COPB2: variants seen among roughly 807,000 people sequenced by gnomAD.
COPB2 encodes coat protein complex I subunit beta 2.
In COPB2, 16 loss-of-function variants were observed where a neutral mutation model predicts 120.8. That is an observed-to-expected ratio of 0.13 (90% CI 0.09 to 0.20). The LOEUF (loss-of-function observed/expected upper bound fraction) is 0.20. Ranked by LOEUF, COPB2 falls within the 10% of genes least tolerant of loss-of-function variation. COPB2 has a pLI of 1.00. For synonymous variants in COPB2, 332 were observed against 366.3 expected (o/e 0.91, Z 1.07); for missense variants, 794 against 1,076.5 (o/e 0.74, Z 3.67).
intron 14 of COPB2, 119 bp downstream of exon 14, chr3:139,366,896 T>G (rs544842661): frequency 1.4e-6 from 2 of 1,474,390 alleles, no homozygotes; most frequent in African/African-American, 2.8e-5. Flanking sequence ...TGGTTAACAA[T>G]AGGCAACCTA....
At chr3:139,362,667 AG>A (rs1242548388) in intron 15 of COPB2, 150 bp from the exon 16 acceptor site, 5 of 351,596 alleles carry the variant, frequency 1.4e-5, no homozygotes, top group African/African-American at 2.1e-5. Flanking sequence ...CTATTTAATA[AG>A]AAGATGGAAT....
In COPB2 at chr3:139,359,132, C is replaced by T. The variant is rs775351795; in HGVS notation, c.2350G>A (p.Ala784Thr). 9.0e-5 allele frequency: 146 copies of T among 1,613,930 alleles called. No individual in the cohort carries two copies. The highest frequency in any genetic ancestry group is 1.1e-4 in the Non-Finnish European group (135 of 1,180,012). Residue 784 changes from alanine (A) to threonine (T), a missense_variant, in exon 19 of 22, where the codon GCA (alanine) becomes ACA (threonine). Ala to Thr is a moderately conservative substitution (Grantham distance 58). Around this residue, in one of 3 missense-constraint regions of COPB2, gnomAD observed 178 missense variants for 183.2 expected, o/e 0.97. Coordinates refer to ENST00000333188, the MANE Select transcript of COPB2 (RefSeq NM_004766.3). ...GTTGGGTCAGCAAGGGATTCTGCTG[C>T]TTTCTGATTGACTTTTGAGAGATTC... ...RENLSKVNQK[A>T]AESLADPTEY... is the part of the protein sequence containing the mutation.
chr3:139,359,355 C>T lies in COPB2; in HGVS notation c.2218G>A (p.Ala740Thr), dbSNP rs1321081296. 2.5e-6 allele frequency: 4 copies of T among 1,613,886 alleles called. No homozygotes were observed. In the South Asian group the frequency reaches 3.3e-5, roughly 13 times the overall value. The part of the protein sequence containing the change: ...MSYFLQGKVD[A>T]CLELLIRTGR... ...GTTCTAATTAAGAGCTCTAGGCAGG[C>T]ATCAACCCTAAACATTAAAAAGGAG... The change falls in exon 18 of 22, where the codon GCC becomes ACC. Residue 740 changes from alanine (A) to threonine (T), a missense_variant. Ala to Thr is a moderately conservative substitution (Grantham distance 58). Transcript: ENST00000333188.
chr3:139,374,539 C>A lies in COPB2; in HGVS notation c.701G>T (p.Cys234Phe). 6.2e-7 allele frequency: 1 copy of A among 1,613,988 alleles called. No homozygotes were observed. The highest frequency in any genetic ancestry group is 8.5e-7 in the Non-Finnish European group (1 of 1,179,918). ...TGGCAACTCAGGATGAAAGCTGGCA[C>A]AAGACACATTTTGGGCATGTCCTTC... ...TLEGHAQNVS[C>F]ASFHPELPII... The change falls in exon 7 of 22, where the codon TGT becomes TTT. Residue 234 changes from cysteine to phenylalanine, a missense_variant. Coordinates refer to ENST00000333188, the MANE Select transcript of COPB2 (RefSeq NM_004766.3).
intron 15 of COPB2, among the ~76,000 whole-genome samples, chr3:139,365,213 C>T (rs1941493189): frequency 6.6e-6 from 1 of 151,830 alleles, no homozygotes; most frequent in African/African-American, 2.4e-5. Context: ...TGATTCCTAC[C>T]AAGGCCTACC....
At chr3:139,376,240 C>T (rs1044864707) in intron 5 of COPB2, among the ~76,000 whole-genome samples, 2 of 152,020 alleles carry the variant, frequency 1.3e-5, no homozygotes, top group African/African-American at 2.4e-5. Context: ...CTAGGCAACA[C>T]AGACCGTAAC....
intron 5 of COPB2, 21 bp from the exon 6 acceptor site, chr3:139,375,635 G>A (rs565007434): frequency 1.8e-5 from 29 of 1,611,330 alleles, no homozygotes; most frequent in African/African-American, 2.7e-5. Flanking sequence ...AAACAGCATC[G>A]GCCAGTCAAT....
chr3:139,386,325 C>T lies in COPB2; in HGVS notation c.4-2890G>A, dbSNP rs376011709. On this transcript the variant is annotated intron_variant, in intron 1 of 21. Transcript: ENST00000333188. ...AGACTGGAGGGCAGTGGCGTGATCT[C>T]GGCTCACTGCAACCTCCACCTCCCA... Among the ~76,000 whole-genome samples the T allele has an allele frequency of 2.0e-5, 3 of 151,824 alleles. No homozygotes were observed. In the East Asian group the frequency reaches 5.8e-4, roughly 30 times the overall value.
At chr3:139,383,193 G>A (rs778328182) in intron 2 of COPB2, 105 bp downstream of exon 2, 1 of 1,307,592 alleles carries the variant, frequency 7.6e-7, no homozygotes, top group Non-Finnish European at 1.1e-6. Flanking sequence ...TGAGAAAGCA[G>A]TTTGCATATA....
intron 1 of COPB2, among the ~76,000 whole-genome samples, chr3:139,383,737 C>T (rs1474426765): frequency 1.3e-5 from 2 of 152,104 alleles, no homozygotes; most frequent in African/African-American, 4.8e-5. Context: ...TAGCTATTGG[C>T]ATGTTACCAT....
At chr3:139,367,182 A>G (rs374822015) in intron 13 of COPB2, 37 bp from the exon 14 acceptor site, 193 of 1,603,654 alleles carry the variant, frequency 1.2e-4, no homozygotes, top group Non-Finnish European at 1.6e-4. Flanking sequence ...ACTTTATCCA[A>G]CATCAGAAAT....
chr3:139,361,726 A>G (rs1388951443), intron 16 of COPB2, among the ~76,000 whole-genome samples: 1 of 152,246 alleles, frequency 6.6e-6, no homozygotes, highest in East Asian at 1.9e-4. Flanking sequence ...AAAATGCTGC[A>G]TGTTTAGATG....
At chr3:139,368,814 A>G (rs1029192217) in intron 12 of COPB2, among the ~76,000 whole-genome samples, 1 of 152,212 alleles carries the variant, frequency 6.6e-6, no homozygotes, top group Non-Finnish European at 1.5e-5. Context: ...GTTTCCAAAG[A>G]TAATCTCCTG....
At chr3:139,358,070 G>T in intron 21 of COPB2, 112 bp from the exon 22 acceptor site, 2 of 1,023,778 alleles carry the variant, frequency 2.0e-6, no homozygotes, top group South Asian at 1.5e-5. Context: ...GTCAAAAAGA[G>T]CATCTTCCCA....
intron 1 of COPB2, 189 bp downstream of exon 1, chr3:139,389,359 T>C: frequency 1.1e-6 from 1 of 948,722 alleles, no homozygotes; most frequent in Non-Finnish European, 1.4e-6. Context: ...CCTCCCCAAA[T>C]CACCCCGGTC....
chr3:139,372,545 C>T (rs1941639704), intron 9 of COPB2, among the ~76,000 whole-genome samples: 1 of 152,102 alleles, frequency 6.6e-6, no homozygotes, highest in Admixed American at 6.5e-5. Flanking sequence ...AATTATATTA[C>T]AAATAATTAT....
chr3:139,374,222 C>T (rs1941676295), intron 7 of COPB2: 1 of 460,648 alleles, frequency 2.2e-6, no homozygotes. Flanking sequence ...AAAGCACATG[C>T]TTTTTCAGTT....
rs780841453 is a variant in COPB2 at position 139,374,514 on chromosome 3, T to A, written c.726A>T (p.Pro242=). 1 of 1,614,038 alleles carries A rather than the reference T, an allele frequency of 6.2e-7. No individual in the cohort carries two copies. The highest frequency in any genetic ancestry group is 8.5e-7 in the Non-Finnish European group (1 of 1,179,922). ...VSCASFHPEL[P]IIITGSEDGT... is the part of the protein sequence containing the mutation. ...CATCTTCTGAACCTGTGATAATGAT[T>A]GGCAACTCAGGATGAAAGCTGGCAC... Residue 242 remains proline (P), a synonymous_variant, in exon 7 of 22, where the codon CCA becomes CCT. Coordinates refer to ENST00000333188, the MANE Select transcript of COPB2 (RefSeq NM_004766.3).
chr3:139,362,336 A>C (rs1941435859), intron 16 of COPB2, 71 bp downstream of exon 16: 1 of 1,065,964 alleles, frequency 9.4e-7, no homozygotes. Flanking sequence ...ATAACAAAAC[A>C]TTACACCAAA....
Sources: gnomAD v4.1 joint callset for allele counts (sites outside exome capture counted in the v4.1 genomes callset) on GRCh38, gnomAD v4.1.1 for gene constraint, gnomAD v4.1.1 regional missense constraint, MANE v1.5 for transcripts, NCBI Gene and HGNC (gene_info 2026-07-23, HGNC 2026-07-21) for gene names.